Variants in FAAH2 observed in about 807,000 individuals in gnomAD.
FAAH2 encodes fatty-acid amide hydrolase 2.
Under a neutral mutation model 36.9 loss-of-function variants are expected in FAAH2, and 60 were observed. The ratio of observed to expected loss-of-function variants is 1.63; its 90% confidence interval spans 1.32 to 2.02. FAAH2 has a LOEUF of 2.02. Ranked by LOEUF, FAAH2 falls within the 30% of genes most tolerant of loss-of-function variation. The pLI is 0.00. For missense variants in FAAH2, 689 were observed against 397.5 expected (o/e 1.73, Z -6.23); for synonymous variants, 214 against 143.8 (o/e 1.49, Z -3.49).
At chrX:57,235,977 G>C in the FAAH2 span, among the ~76,000 whole-genome samples, 1 of 112,280 alleles carries the variant, frequency 8.9e-6, no homozygotes, top group Non-Finnish European at 1.9e-5. Flanking sequence ...TACCAATTGA[G>C]CAAATGTTTC....
chrX:57,432,063 CT>C (rs750485910), intron 8 of FAAH2, 26 bp downstream of exon 8: 37 of 1,158,363 alleles, frequency 3.2e-5, no homozygotes, highest in Non-Finnish European at 4.3e-5. Context: ...TCTTTACTTA[CT>C]TTTTTCTTTG....
At chrX:57,464,868 A>G (rs993763731) in intron 10 of FAAH2, among the ~76,000 whole-genome samples, 1 of 111,682 alleles carries the variant, frequency 9.0e-6, no homozygotes, top group East Asian at 2.8e-4. Context: ...AACAAAAAAA[A>G]CAATGACAAC....
the FAAH2 span, among the ~76,000 whole-genome samples, chrX:57,213,663 CA>C: frequency 9.0e-6 from 1 of 111,605 alleles, no homozygotes; most frequent in Admixed American, 9.5e-5. Context: ...AGTTGCTTTC[CA>C]GTTGTGTTCC....
In FAAH2 at chrX:57,472,494, T is replaced by C. The variant is rs773248570; in HGVS notation, c.1424-16263T>C. Among the ~76,000 whole-genome samples the C allele has an allele frequency of 5.4e-5, 6 of 111,764 alleles. No homozygotes were observed. In the East Asian group the frequency reaches 1.7e-3, roughly 31 times the overall value. ...TCGTGGAGATACTGGATTTGTACAATGATTTAGAGAGGTATTCCTACACTT... is the reference window on the plus strand; with the variant it reads ...TCGTGGAGATACTGGATTTGTACAACGATTTAGAGAGGTATTCCTACACTT... On this transcript the variant is annotated intron_variant, in intron 10 of 10. Coordinates refer to ENST00000374900, the MANE Select transcript of FAAH2 (RefSeq NM_174912.4).
At chrX:57,318,705 A>G (rs902472001) in intron 3 of FAAH2, among the ~76,000 whole-genome samples, 23 of 111,677 alleles carry the variant, frequency 2.1e-4, no homozygotes, top group African/African-American at 6.9e-4. Context: ...AAACCCTGGC[A>G]GAGACACAAC....
chrX:57,222,987 C>T, the FAAH2 span, among the ~76,000 whole-genome samples: 2 of 111,878 alleles, frequency 1.8e-5, no homozygotes, highest in Admixed American at 9.4e-5. Context: ...CTGAACTCGT[C>T]GCTCTTCCTC....
At chrX:57,306,390 T>C (rs2052523557) in intron 2 of FAAH2, among the ~76,000 whole-genome samples, 1 of 111,239 alleles carries the variant, frequency 9.0e-6, no homozygotes, top group African/African-American at 3.3e-5. Context: ...TGCAATAGAA[T>C]TGTACTTTTA....
At chrX:57,206,977 T>C in the FAAH2 span, among the ~76,000 whole-genome samples, 2 of 111,838 alleles carry the variant, frequency 1.8e-5, no homozygotes, top group Admixed American at 9.5e-5. Context: ...CATCATTCTA[T>C]GCAAATTGGC....
At chrX:57,392,891 G>C in intron 7 of FAAH2, 1 of 829,287 alleles carries the variant, frequency 1.2e-6, no homozygotes, top group Non-Finnish European at 1.8e-6. Context: ...CCTGCTTTGT[G>C]TAGACTTCAG....
At chrX:57,178,202 G>A in the FAAH2 span, among the ~76,000 whole-genome samples, 2 of 112,124 alleles carry the variant, frequency 1.8e-5, no homozygotes, top group East Asian at 2.8e-4. Flanking sequence ...ACATTACTAT[G>A]TTGGCTTTCT....
At position 57,373,930 on chromosome X, in the gene FAAH2, T is replaced by C. The variant is rs993543091; in HGVS notation, c.743-4721T>C. ...AGATGAGGATCCAGTTTCATTATCC[T>C]AGATGTGGTTAGCCAATTATCCCAG... On this transcript the variant is annotated intron_variant, in intron 5 of 10. Coordinates refer to ENST00000374900, the MANE Select transcript of FAAH2 (RefSeq NM_174912.4). 2.7e-5 allele frequency among the ~76,000 whole-genome samples: 3 copies of C among 111,651 alleles called. No individual in the cohort carries two copies. The Admixed American group carries it at 2.9e-4, about 11-fold the overall frequency.
At chrX:57,440,227 C>G (rs1445699828) in intron 8 of FAAH2, among the ~76,000 whole-genome samples, 1 of 111,466 alleles carries the variant, frequency 9.0e-6, no homozygotes, top group Non-Finnish European at 1.9e-5. Flanking sequence ...TTCTTCCTAT[C>G]CATGAGCATG....
At chrX:57,388,664 C>A (rs1226696294) in intron 7 of FAAH2, among the ~76,000 whole-genome samples, 1 of 110,952 alleles carries the variant, frequency 9.0e-6, no homozygotes, top group East Asian at 2.8e-4. Context: ...AGTTTTACAG[C>A]ATTTGACAAA....
chrX:57,439,545 G>A (rs893773535), intron 8 of FAAH2, among the ~76,000 whole-genome samples: 4 of 111,179 alleles, frequency 3.6e-5, no homozygotes, highest in Admixed American at 9.6e-5. Context: ...CTCCCATTTT[G>A]TAGGTTGCCT....
intron 5 of FAAH2, among the ~76,000 whole-genome samples, 193 bp downstream of exon 5, chrX:57,341,583 A>G (rs1219173900): frequency 1.8e-5 from 2 of 110,855 alleles, no homozygotes; most frequent in East Asian, 2.8e-4. Context: ...AGGCTTTCCT[A>G]TAACTAATGT....
At chrX:57,157,741 T>C in the FAAH2 span, among the ~76,000 whole-genome samples, 1 of 112,120 alleles carries the variant, frequency 8.9e-6, no homozygotes. Context: ...TTGTTTATTT[T>C]GGTGTTCCGC....
intron 7 of FAAH2, chrX:57,393,247 T>G (rs992520446): frequency 8.3e-5 from 98 of 1,184,716 alleles, no homozygotes; most frequent in Non-Finnish European, 1.0e-4. Context: ...TACTGAAGCC[T>G]TTTTCAACCA....
At chrX:57,215,906 C>CATATATATAT in the FAAH2 span, among the ~76,000 whole-genome samples, 11 of 89,540 alleles carry the variant, frequency 1.2e-4, no homozygotes, top group South Asian at 1.3e-3. Flanking sequence ...CCATGGCACT[C>CATATATATAT]ATATATATAT....
At chrX:57,262,403 G>A in the FAAH2 span, among the ~76,000 whole-genome samples, 3 of 111,289 alleles carry the variant, frequency 2.7e-5, no homozygotes, top group Admixed American at 9.6e-5. Context: ...AGTGAGAGAA[G>A]GTAAAGACAT....
Sources: gnomAD v4.1 joint callset for allele counts (sites outside exome capture counted in the v4.1 genomes callset) on GRCh38, gnomAD v4.1.1 for gene constraint, MANE v1.5 for transcripts, NCBI Gene and HGNC (gene_info 2026-07-23, HGNC 2026-07-21) for gene names.